MTSS1: variants seen among roughly 807,000 people sequenced by gnomAD.
MTSS1 encodes the protein protein MTSS 1.
In MTSS1, 18 loss-of-function variants were observed where a neutral mutation model predicts 79.0. That is an observed-to-expected ratio of 0.23 (90% CI 0.16 to 0.34). The LOEUF is 0.34. MTSS1 is among the 10% of genes least tolerant of loss of function. The pLI, the probability that MTSS1 is intolerant of heterozygous loss-of-function variation, is 1.00. For synonymous variants in MTSS1, 341 were observed against 368.6 expected (o/e 0.93, Z 0.86); for missense variants, 815 against 986.2 (o/e 0.83, Z 2.33).
chr8:124,560,609 C>T (rs562679626), intron 10 of MTSS1, among the ~76,000 whole-genome samples: 1 of 152,284 alleles, frequency 6.6e-6, no homozygotes, highest in African/African-American at 2.4e-5. Flanking sequence ...TATGATCCCG[C>T]CACTGCACTT....
intron 3 of MTSS1, among the ~76,000 whole-genome samples, chr8:124,649,392 A>G (rs942995619): frequency 6.6e-6 from 1 of 152,196 alleles, no homozygotes; most frequent in Non-Finnish European, 1.5e-5. Flanking sequence ...ACAAACCCCC[A>G]GCACAGAGCA....
intron 3 of MTSS1, among the ~76,000 whole-genome samples, chr8:124,656,114 T>A (rs1055024125): frequency 3.3e-5 from 5 of 152,234 alleles, no homozygotes; most frequent in African/African-American, 1.2e-4. Context: ...CTATTGAATT[T>A]CCTATCTCCT....
At position 124,581,319 on chromosome 8, in the gene MTSS1, T is replaced by G. The variant is rs1257915180; in HGVS notation, c.460+3768A>C. 5.3e-5 allele frequency among the ~76,000 whole-genome samples: 8 copies of G among 151,822 alleles called. No individual in the cohort carries two copies. The East Asian group carries it at 1.5e-3, about 29-fold the overall frequency. ...AAAAAAAAAAAAAATCAAGACTTCT[T>G]AGATTTAATGATGTCATGGTAATAA... On this transcript the variant is annotated intron_variant, in intron 6 of 13. Coordinates refer to ENST00000518547, the MANE Select transcript of MTSS1 (RefSeq NM_014751.6).
chr8:124,695,073 G>A (rs1828574240), intron 3 of MTSS1, among the ~76,000 whole-genome samples: 1 of 151,844 alleles, frequency 6.6e-6, no homozygotes, highest in African/African-American at 2.4e-5. Context: ...TTAACAATAG[G>A]TACATAACAA....
chr8:124,647,002 T>C (rs968711891), intron 3 of MTSS1, among the ~76,000 whole-genome samples: 4 of 152,090 alleles, frequency 2.6e-5, no homozygotes, highest in African/African-American at 9.7e-5. Flanking sequence ...TGTGCCACCA[T>C]ACCCAGCTAA....
At chr8:124,677,868 C>T (rs1284365907) in intron 3 of MTSS1, among the ~76,000 whole-genome samples, 2 of 152,138 alleles carry the variant, frequency 1.3e-5, no homozygotes, top group Non-Finnish European at 2.9e-5. Flanking sequence ...AATATGCTTG[C>T]TTACTGCTAA....
intron 3 of MTSS1, among the ~76,000 whole-genome samples, chr8:124,630,416 G>A (rs1294081425): frequency 4.6e-5 from 7 of 152,234 alleles, no homozygotes; most frequent in East Asian, 1.9e-4. Context: ...AAGAGGAGGT[G>A]GAGAAAGGCT....
At chr8:124,605,566 C>T (rs1036149700) in intron 3 of MTSS1, among the ~76,000 whole-genome samples, 18 of 131,876 alleles carry the variant, frequency 1.4e-4, no homozygotes, top group African/African-American at 5.4e-4. Context: ...CCTGCCCTCT[C>T]GCTGCCTCCC....
intron 3 of MTSS1, among the ~76,000 whole-genome samples, chr8:124,642,095 T>C (rs1216742661): frequency 1.3e-5 from 2 of 152,224 alleles, no homozygotes; most frequent in Non-Finnish European, 2.9e-5. Flanking sequence ...AACCACCATG[T>C]GGTTTTGGTT....
chr8:124,660,311 C>T (rs1001558494), intron 3 of MTSS1, among the ~76,000 whole-genome samples: 2 of 151,864 alleles, frequency 1.3e-5, no homozygotes, highest in Non-Finnish European at 1.5e-5. Context: ...AGGGGCCCTT[C>T]GAAAGAAGCA....
intron 3 of MTSS1, among the ~76,000 whole-genome samples, chr8:124,678,602 A>G (rs1263406188): frequency 2.0e-5 from 3 of 152,202 alleles, no homozygotes; most frequent in Non-Finnish European, 2.9e-5. Flanking sequence ...CTTATTCACT[A>G]TCACAAGAAC....
chr8:124,682,722 T>A (rs1449504096), intron 3 of MTSS1, among the ~76,000 whole-genome samples: 2 of 152,218 alleles, frequency 1.3e-5, no homozygotes, highest in Non-Finnish European at 2.9e-5. Context: ...CAGCAGCTCC[T>A]ACTTCAACGA....
intron 1 of MTSS1, among the ~76,000 whole-genome samples, chr8:124,722,960 C>T (rs1564061694): frequency 6.6e-6 from 1 of 152,144 alleles, no homozygotes; most frequent in South Asian, 2.1e-4. Context: ...TGGAAAAAGC[C>T]GAGATGCAAA....
chr8:124,679,842 C>T (rs766494393), intron 3 of MTSS1, among the ~76,000 whole-genome samples: 2 of 152,232 alleles, frequency 1.3e-5, no homozygotes, highest in Admixed American at 6.5e-5. Flanking sequence ...AACTCTTCAA[C>T]AGGAGAAAAT....
At chr8:124,619,653 T>G (rs183706277) in intron 3 of MTSS1, among the ~76,000 whole-genome samples, 20 of 149,970 alleles carry the variant, frequency 1.3e-4, no homozygotes, top group Admixed American at 5.9e-4. Flanking sequence ...ACAAAATAGA[T>G]CTGGTTAATC....
intron 3 of MTSS1, among the ~76,000 whole-genome samples, chr8:124,595,351 C>G (rs770933942): frequency 1.3e-5 from 2 of 152,144 alleles, no homozygotes; most frequent in Non-Finnish European, 2.9e-5. Flanking sequence ...AGTCCAAAAT[C>G]AGTTTCACTG....
chr8:124,697,392 T>G (rs191413002), intron 3 of MTSS1, among the ~76,000 whole-genome samples: 107 of 151,978 alleles, frequency 7.0e-4, no homozygotes, highest in African/African-American at 2.5e-3. Context: ...AAACCCCATC[T>G]CTACTAAAAA....
At chr8:124,725,622 C>T in intron 1 of MTSS1, among the ~76,000 whole-genome samples, 1 of 152,122 alleles carries the variant, frequency 6.6e-6, no homozygotes, top group East Asian at 1.9e-4. Context: ...AAGAAGAGAA[C>T]AAGAGGATAA....
At position 124,727,799 on chromosome 8, in the gene MTSS1, G is replaced by A; in HGVS notation, c.72+85C>T. The A allele has an allele frequency of 8.1e-7, 1 of 1,238,602 alleles. No individual in the cohort carries two copies. Among genetic ancestry groups the A allele is most frequent in the East Asian group, 3.0e-5 (1 of 33,116 alleles). 76.7% of individuals were successfully genotyped at this position (1,238,602 alleles called of 1,614,324 possible). A position where few individuals can be genotyped will look rare whatever the true frequency, so the allele number is the denominator to read the frequency against. On this transcript the variant is annotated intron_variant, in intron 1 of 13. Coordinates refer to ENST00000518547, the MANE Select transcript of MTSS1 (RefSeq NM_014751.6). The surrounding 1 kb of genome is among the most constrained non-coding windows in gnomAD (Gnocchi z 4.7). ...TGGCCACACTGCAGGGAAGGGCCGGGTGCCCGGCCCGGGGTGGAGGCGAAG... is the reference window on the plus strand; with the variant it reads ...TGGCCACACTGCAGGGAAGGGCCGGATGCCCGGCCCGGGGTGGAGGCGAAG...
Sources: allele counts gnomAD v4.1 joint callset (sites outside exome capture counted in the v4.1 genomes callset), GRCh38; gene constraint gnomAD v4.1.1; non-coding constraint Gnocchi (gnomAD v3.1); transcripts MANE v1.5; gene names NCBI Gene and HGNC (gene_info 2026-07-23, HGNC 2026-07-21).